TMEM200B: variants seen among roughly 807,000 people sequenced by gnomAD.
The protein encoded by TMEM200B is transmembrane protein TTMA.
TMEM200B carries 12 observed loss-of-function variants against 17.6 expected under a neutral mutation model. The observed-to-expected ratio is 0.68, with a 90% CI of 0.44 to 1.11. The LOEUF is 1.11. Ranked by LOEUF, TMEM200B falls within the 50% of genes least tolerant of loss-of-function variation. The pLI is 0.00. For synonymous variants in TMEM200B, 234 were observed against 209.2 expected (o/e 1.12, Z -1.02); for missense variants, 456 against 447.6 (o/e 1.02, Z -0.17).
In TMEM200B at chr1:29,120,932, T is replaced by A; in HGVS notation, c.897A>T (p.Gly299=). The change falls in exon 2 of 2, where the codon GGA becomes GGT. Residue 299 remains glycine (G), a synonymous_variant. Transcript: ENST00000521452. ...AGACCCGGGCCCCCAAGTCCCCTCC[T>A]CCTCCCAATTTGGCATAGCCCCCAA... The part of the protein sequence containing the change: ...LSLGGYAKLG[G]GGDLGARV The A allele has an allele frequency of 6.2e-7, 1 of 1,608,762 alleles. No individual in the cohort carries two copies. The highest frequency in any genetic ancestry group is 1.1e-5 in the South Asian group (1 of 90,718).
chr1:29,120,450 C>T lies in TMEM200B; in HGVS notation c.*455G>A, dbSNP rs1671703395. On this transcript the variant is annotated 3_prime_UTR_variant, in exon 2 of 2. Transcript: ENST00000521452. The stretch of plus-strand genomic sequence containing the variant: ...CAGTGGAGAGTCTCATCCCGTGGTC[C>T]ATCTTCCCAGAGGCCCCACACTCCA... 5.8e-6 allele frequency: 1 copy of T among 171,986 alleles called. No homozygotes were observed. The allele number at this position is 171,986 out of a possible 1,614,324, so 10.7% of individuals were successfully genotyped here.
At position 29,120,832 on chromosome 1, in the gene TMEM200B, T is replaced by G; in HGVS notation, c.*73A>C. On this transcript the variant is annotated 3_prime_UTR_variant, in exon 2 of 2. Transcript: ENST00000521452. ...TGTGACTGAAACATCTATTAGACGTTGGGACTCCTGGTCCTTTGGTCCTAT... is the reference window on the plus strand; with the variant it reads ...TGTGACTGAAACATCTATTAGACGTGGGGACTCCTGGTCCTTTGGTCCTAT... The G allele has an allele frequency of 6.9e-7, 1 of 1,447,060 alleles. No individual in the cohort carries two copies. The highest frequency in any genetic ancestry group is 9.2e-7 in the Non-Finnish European group (1 of 1,090,592). The allele number at this position is 1,447,060 out of a possible 1,614,324, so 89.6% of individuals were successfully genotyped here.
rs369116366 is a variant in TMEM200B at position 29,121,155 on chromosome 1, G to C, written c.674C>G (p.Pro225Arg). ...TGGGGGCAGCCCGGGGCCCTTCAGCGGGTAGCTGTTGAGCAAGGCAGGTAA... is the reference window on the plus strand; with the variant it reads ...TGGGGGCAGCCCGGGGCCCTTCAGCCGGTAGCTGTTGAGCAAGGCAGGTAA... ...LGLPALLNSY[P>R]LKGPGLPPPW... The change falls in exon 2 of 2, where the codon CCG (proline) becomes CGG (arginine). Residue 225 changes from proline to arginine, a missense_variant. Physicochemically the swap from Pro to Arg is moderately radical, Grantham distance 103 (BLOSUM62 -2). Transcript: ENST00000521452. This position sits in a 1 kb window ranked among gnomAD's most constrained non-coding sequence, Gnocchi z 5.6. 3.0e-5 allele frequency: 48 copies of C among 1,613,678 alleles called. No homozygotes were observed. The African/African-American group carries it at 6.3e-4, about 21-fold the overall frequency.
rs950082388 is a variant in TMEM200B, at chr1:29,121,845, C to A, written c.-17G>T. ...GGCCGTCATCTCGCCGTCGTCTGGG[C>A]GCTCTGCGGAGAGAAGATGGGAGGC... On this transcript the variant is annotated 5_prime_UTR_variant, in exon 2 of 2. Transcript: ENST00000521452. This position sits in a 1 kb window ranked among gnomAD's most constrained non-coding sequence, Gnocchi z 5.6. The A allele has an allele frequency of 2.3e-6, 3 of 1,282,048 alleles. No individual in the cohort carries two copies. The highest frequency in any genetic ancestry group is 1.5e-5 in the African/African-American group (1 of 65,670). The allele number at this position is 1,282,048 out of a possible 1,614,324, so 79.4% of individuals were successfully genotyped here. A position where few individuals can be genotyped will look rare whatever the true frequency, so the allele number is the denominator to read the frequency against.
chr1:29,122,417 C>A (rs1452753469), intron 1 of TMEM200B: 2 of 152,652 alleles, frequency 1.3e-5, no homozygotes, highest in Non-Finnish European at 2.9e-5. Flanking sequence ...TGCCCGCCCC[C>A]TCCTTCCAGA....
intron 1 of TMEM200B, chr1:29,122,634 G>C (rs1201555500): frequency 6.6e-6 from 1 of 152,364 alleles, no homozygotes; most frequent in Admixed American, 6.5e-5. Flanking sequence ...GGTGCCGGGC[G>C]CTGGGCCCCG....
Position 29,121,478 on chromosome 1 carries a change from G to C in TMEM200B, c.351C>G (p.Leu117=). 4 of 1,528,592 alleles carry C rather than the reference G, an allele frequency of 2.6e-6. No homozygotes were observed. Among genetic ancestry groups the C allele is most frequent in the Non-Finnish European group, 2.6e-6 (3 of 1,142,490 alleles). The allele number at this position is 1,528,592 out of a possible 1,614,324, so 94.7% of individuals were successfully genotyped here. The change falls in exon 2 of 2, where the codon CTC becomes CTG. Residue 117 remains leucine (L), a synonymous_variant. Coordinates refer to ENST00000521452, the MANE Select transcript of TMEM200B (RefSeq NM_001003682.4). The surrounding 1 kb of genome is among the most constrained non-coding windows in gnomAD (Gnocchi z 5.6). ...GGCCGACGCCCATGATCACCGGCCCGAGGAGCCGCAGCCGCTCGTGCGGGC... is the reference window on the plus strand; with the variant it reads ...GGCCGACGCCCATGATCACCGGCCCCAGGAGCCGCAGCCGCTCGTGCGGGC... ...AHGPHERLRL[L]GPVIMGVGLF...
chr1:29,122,892 T>C (rs1380947128), intron 1 of TMEM200B, among the ~76,000 whole-genome samples: 1 of 152,210 alleles, frequency 6.6e-6, no homozygotes, highest in African/African-American at 2.4e-5. Flanking sequence ...GCCTGCGGCC[T>C]GTGGCCTGGA....
At position 29,121,127 on chromosome 1, in the gene TMEM200B, G is replaced by A. The variant is rs139281750; in HGVS notation, c.702C>T (p.Pro234=). The A allele has an allele frequency of 2.4e-4, 381 of 1,613,850 alleles. No homozygotes were observed. In the African/African-American group the frequency reaches 4.4e-3, roughly 19 times the overall value. ...GGCCAGTCTGCGTCCGTGGACCCCA[G>A]GGTGGGGGCAGCCCGGGGCCCTTCA... ...YPLKGPGLPP[P]WGPRTQTGHV... The change falls in exon 2 of 2, where the codon CCC becomes CCT. Residue 234 remains proline, a synonymous_variant. Coordinates refer to ENST00000521452, the MANE Select transcript of TMEM200B (RefSeq NM_001003682.4). The surrounding 1 kb of genome is among the most constrained non-coding windows in gnomAD (Gnocchi z 5.6).
Position 29,120,785 on chromosome 1 carries a change from A to C in TMEM200B, c.*120T>G. On this transcript the variant is annotated 3_prime_UTR_variant, in exon 2 of 2. Transcript: ENST00000521452. ...TGCCCTTCACAGCTGCTGTGGTCAGAGCATCCATCCCCAGCCTGGGATGTG... is the reference window on the plus strand; with the variant it reads ...TGCCCTTCACAGCTGCTGTGGTCAGCGCATCCATCCCCAGCCTGGGATGTG... 7.8e-7 allele frequency: 1 copy of C among 1,280,704 alleles called. No homozygotes were observed. Among genetic ancestry groups the C allele is most frequent in the Non-Finnish European group, 1.1e-6 (1 of 944,998 alleles). 79.3% of individuals were successfully genotyped at this position (1,280,704 alleles called of 1,614,324 possible). A position where few individuals can be genotyped will look rare whatever the true frequency, so the allele number is the denominator to read the frequency against.
At position 29,121,433 on chromosome 1, in the gene TMEM200B, G is replaced by A; in HGVS notation, c.396C>T (p.Ala132=). ...CTCGGTTCTCATACAGCAGTGTGTT[G>A]GCGCAGATGAACACGAACAGGCCGA... The part of the protein sequence containing the change: ...MGVGLFVFIC[A]NTLLYENRDL... The change falls in exon 2 of 2, where the codon GCC becomes GCT. Residue 132 remains alanine (A), a synonymous_variant. Transcript: ENST00000521452. The surrounding 1 kb of genome is among the most constrained non-coding windows in gnomAD (Gnocchi z 5.6). 2 of 1,535,780 alleles carry A rather than the reference G, an allele frequency of 1.3e-6. No homozygotes were observed. Among genetic ancestry groups the A allele is most frequent in the Non-Finnish European group, 1.7e-6 (2 of 1,146,400 alleles).
Position 29,121,202 on chromosome 1 carries a change from C to A in TMEM200B, c.627G>T (p.Glu209Asp). ...GTAACCCCAAGCGAGGATTAGCGGG[C>A]TCTGAACGCAGACTCCGCACTGACG... The part of the protein sequence containing the change: ...PVPSVRSLRS[E>D]PANPRLGLPA... The change falls in exon 2 of 2, where the codon GAG becomes GAT. Residue 209 changes from glutamate (E) to aspartate (D), a missense_variant. Transcript: ENST00000521452. This position sits in a 1 kb window ranked among gnomAD's most constrained non-coding sequence, Gnocchi z 5.6. 1 of 1,613,492 alleles carries A rather than the reference C, an allele frequency of 6.2e-7. No homozygotes were observed. The highest frequency in any genetic ancestry group is 8.5e-7 in the Non-Finnish European group (1 of 1,180,032).
At chr1:29,123,402 C>T (rs979147650) in intron 1 of TMEM200B, among the ~76,000 whole-genome samples, 2 of 152,216 alleles carry the variant, frequency 1.3e-5, no homozygotes, top group Admixed American at 6.5e-5. Context: ...GGCCCATCCC[C>T]TCCTTGTCCC....
rs1574166256 is a variant in TMEM200B, at chr1:29,120,770, A to G, written c.*135T>C. 1 of 1,170,238 alleles carries G rather than the reference A, an allele frequency of 8.5e-7. No homozygotes were observed. Among genetic ancestry groups the G allele is most frequent in the East Asian group, 2.6e-5 (1 of 38,634 alleles). 72.5% of individuals were successfully genotyped at this position (1,170,238 alleles called of 1,614,324 possible). A position where few individuals can be genotyped will look rare whatever the true frequency, so the allele number is the denominator to read the frequency against. On this transcript the variant is annotated 3_prime_UTR_variant, in exon 2 of 2. Coordinates refer to ENST00000521452, the MANE Select transcript of TMEM200B (RefSeq NM_001003682.4). ...GCATGCAGGTCAGGATGCCCTTCAC[A>G]GCTGCTGTGGTCAGAGCATCCATCC...
At position 29,120,792 on chromosome 1, in the gene TMEM200B, A is replaced by C. The variant is rs1671727863; in HGVS notation, c.*113T>G. The stretch of plus-strand genomic sequence containing the variant: ...CACAGCTGCTGTGGTCAGAGCATCC[A>C]TCCCCAGCCTGGGATGTGACTGAAA... On this transcript the variant is annotated 3_prime_UTR_variant, in exon 2 of 2. Coordinates refer to ENST00000521452, the MANE Select transcript of TMEM200B (RefSeq NM_001003682.4). The C allele has an allele frequency of 7.5e-7, 1 of 1,337,810 alleles. No individual in the cohort carries two copies. Among genetic ancestry groups the C allele is most frequent in the Non-Finnish European group, 1.0e-6 (1 of 996,608 alleles). The allele number at this position is 1,337,810 out of a possible 1,614,324, so 82.9% of individuals were successfully genotyped here.
In TMEM200B at chr1:29,121,322, G is replaced by C. The variant is rs770072734; in HGVS notation, c.507C>G (p.Leu169=). ...PPDGPGWDCA[L]LPSPGPRSPR... Reference sequence around the variant, plus strand: ...GACTCCTAGGGCCGGGGCTGGGAAGGAGGGCGCAGTCCCAGCCCGGGCCGT... The same window carrying C: ...GACTCCTAGGGCCGGGGCTGGGAAGCAGGGCGCAGTCCCAGCCCGGGCCGT... The change falls in exon 2 of 2, where the codon CTC becomes CTG. Residue 169 remains leucine, a synonymous_variant. Transcript: ENST00000521452. This position sits in a 1 kb window ranked among gnomAD's most constrained non-coding sequence, Gnocchi z 5.6. 17 of 1,591,924 alleles carry C rather than the reference G, an allele frequency of 1.1e-5. No homozygotes were observed. The South Asian group carries it at 1.2e-4, about 12-fold the overall frequency.
At chr1:29,122,959 G>A (rs1671870264) in intron 1 of TMEM200B, among the ~76,000 whole-genome samples, 1 of 152,354 alleles carries the variant, frequency 6.6e-6, no homozygotes, top group African/African-American at 2.4e-5. Context: ...ACGAAAGGGA[G>A]GGCGAGGGAG....
chr1:29,120,717 C>T lies in TMEM200B; in HGVS notation c.*188G>A, dbSNP rs1671723260. The stretch of plus-strand genomic sequence containing the variant: ...AACGCACCCTCTCCAGCTCACTGAG[C>T]CCTGGTGCAGCTGGCATTTCTCTGC... On this transcript the variant is annotated 3_prime_UTR_variant, in exon 2 of 2. Coordinates refer to ENST00000521452, the MANE Select transcript of TMEM200B (RefSeq NM_001003682.4). 4.2e-6 allele frequency: 3 copies of T among 717,548 alleles called. No individual in the cohort carries two copies. Among genetic ancestry groups the T allele is most frequent in the Non-Finnish European group, 6.8e-6 (3 of 440,578 alleles). The allele number at this position is 717,548 out of a possible 1,614,324, so 44.4% of individuals were successfully genotyped here. A position where few individuals can be genotyped will look rare whatever the true frequency, so the allele number is the denominator to read the frequency against.
chr1:29,121,880 A>G lies in TMEM200B; in HGVS notation c.-20-32T>C. ...AGAGAAGATGGGAGGCAAGGACTGG[A>G]CCGACGGGCCTCTAGCTTCAGGGCG... is the stretch of plus-strand genomic sequence containing the variant. On this transcript the variant is annotated intron_variant, in intron 1 of 1. Coordinates refer to ENST00000521452, the MANE Select transcript of TMEM200B (RefSeq NM_001003682.4). The surrounding 1 kb of genome is among the most constrained non-coding windows in gnomAD (Gnocchi z 5.6). 8.1e-7 allele frequency: 1 copy of G among 1,229,994 alleles called. No homozygotes were observed. The highest frequency in any genetic ancestry group is 1.0e-6 in the Non-Finnish European group (1 of 979,232). The allele number at this position is 1,229,994 out of a possible 1,614,324, so 76.2% of individuals were successfully genotyped here. A position where few individuals can be genotyped will look rare whatever the true frequency, so the allele number is the denominator to read the frequency against.
Sources: gnomAD v4.1 joint callset for allele counts (sites outside exome capture counted in the v4.1 genomes callset) on GRCh38, gnomAD v4.1.1 for gene constraint, Gnocchi (gnomAD v3.1) non-coding constraint, MANE v1.5 for transcripts, NCBI Gene and HGNC (gene_info 2026-07-23, HGNC 2026-07-21) for gene names.